The following ZNF582 variants were observed in gnomAD, a reference collection of about 807,000 sequenced individuals.
The protein encoded by ZNF582 is zinc finger protein 582.
Under a neutral mutation model 12.3 loss-of-function variants are expected in ZNF582, and 14 were observed. That is an observed-to-expected ratio of 1.14 (90% CI 0.75 to 1.78). The LOEUF (loss-of-function observed/expected upper bound fraction) is 1.78, where lower values mean the gene tolerates loss of function less well. Among genes scored for constraint, ZNF582 ranks in the 40% most tolerant of loss-of-function variants. The pLI, the probability that ZNF582 is intolerant of heterozygous loss-of-function variation, is 0.00. For missense variants in ZNF582, 567 were observed against 616.5 expected, an observed-to-expected ratio of 0.92 and a Z score of 0.85; for synonymous variants, 210 against 207.2, an observed-to-expected ratio of 1.01 and a Z score of -0.11.
intron 2 of ZNF582, 148 bp downstream of exon 2, chr19:56,391,596 G>C (rs1359420184): frequency 2.8e-6 from 2 of 702,064 alleles, no homozygotes; most frequent in African/African-American, 3.6e-5. Flanking sequence ...GCATTTGTCA[G>C]AGGGGAGAGG....
chr19:56,384,489 G>A, exon 5 of ZNF582: 1 of 1,609,696 alleles, frequency 6.2e-7, no homozygotes, highest in Non-Finnish European at 8.5e-7. Flanking sequence ...CATGCATAGG[G>A]TTTTTCACCA....
exon 5 of ZNF582, chr19:56,384,751 A>G: frequency 6.2e-7 from 1 of 1,603,130 alleles, no homozygotes; most frequent in Non-Finnish European, 8.5e-7. Context: ...GTTTCTTACC[A>G]GAATGAATAT....
At chr19:56,390,188 G>A (rs755725019) in intron 3 of ZNF582, 92 bp from the exon 4 acceptor site, 9 of 1,370,420 alleles carry the variant, frequency 6.6e-6, no homozygotes, top group Non-Finnish European at 9.2e-6. Flanking sequence ...AGAGGCAGTT[G>A]CAGGAAGTGC....
intron 2 of ZNF582, 47 bp from the exon 3 acceptor site, chr19:56,390,548 A>G: frequency 6.2e-7 from 1 of 1,605,192 alleles, no homozygotes; most frequent in Non-Finnish European, 8.5e-7. Context: ...AATGGTTCAC[A>G]GTGGGATGAA....
At chr19:56,383,260 A>G (rs767867801) in exon 5 of ZNF582, 1 of 152,250 alleles carries the variant, frequency 6.6e-6, no homozygotes, top group Non-Finnish European at 1.5e-5. Flanking sequence ...TGGATCAGAA[A>G]GAAACAAAAA....
chr19:56,388,149 G>T (rs961799704), intron 4 of ZNF582: 14 of 150,398 alleles, frequency 9.3e-5, no homozygotes, highest in East Asian at 4.1e-4. Context: ...AAAGGGGGGG[G>T]GGATTATGTC....
At chr19:56,384,083 T>G (rs1482627743) in exon 5 of ZNF582, 1 of 1,610,910 alleles carries the variant, frequency 6.2e-7, no homozygotes, top group East Asian at 2.2e-5. Flanking sequence ...TTTCTCAGTG[T>G]GAATAACCTG....
rs865863842 is a variant in ZNF582 at position 56,384,255 on chromosome 19, T to C, written c.1162A>G (p.Ile388Val). 10 of 1,614,120 alleles carry C rather than the reference T, an allele frequency of 6.2e-6. No individual in the cohort carries two copies. The African/African-American group carries it at 8.0e-5, about 13-fold the overall frequency. Residue 388 changes from isoleucine (I) to valine (V), a missense_variant, in exon 5 of 5, where the codon ATT becomes GTT. Physicochemically the swap from Ile to Val is conservative, Grantham distance 29. Coordinates refer to ENST00000586929, the Ensembl canonical transcript of ZNF582. ...TGGTAGGGTTTCTCTCCAGTGTGAA[T>C]TCTCTGATGTTGCTTGAGTTGTGAG...
Position 56,383,678 on chromosome 19 carries a change from T to C in ZNF582, c.*185A>G, listed in dbSNP as rs574902105. On this transcript the variant is annotated 3_prime_UTR_variant, in exon 5 of 5. Coordinates refer to ENST00000586929, the Ensembl canonical transcript of ZNF582. ...TCTGGAATGTGTTAGAAATAAAATT[T>C]CTCCCAACCTTTCCCAGCATTTTTG... is the stretch of plus-strand genomic sequence containing the variant. 6.3e-5 allele frequency: 37 copies of C among 583,910 alleles called. No homozygotes were observed. The South Asian group carries it at 1.7e-3, about 26-fold the overall frequency. The allele number at this position is 583,910 out of a possible 1,614,324, so 36.2% of individuals were successfully genotyped here.
At chr19:56,389,883 G>A (rs938179366) in intron 4 of ZNF582, 118 bp downstream of exon 4, 34 of 717,262 alleles carry the variant, frequency 4.7e-5, no homozygotes, top group Admixed American at 3.0e-4. Context: ...AAAACAACAC[G>A]TAAGACATAA....
intron 4 of ZNF582, chr19:56,388,376 A>G (rs1264153184): frequency 6.6e-6 from 1 of 152,266 alleles, no homozygotes. Flanking sequence ...GCTCTTCTTT[A>G]CAGGAGTATG....
chr19:56,392,529 C>T (rs958361047), intron 1 of ZNF582, among the ~76,000 whole-genome samples: 2 of 152,190 alleles, frequency 1.3e-5, no homozygotes, highest in East Asian at 3.9e-4. Flanking sequence ...AAAATTAGTA[C>T]GTAAGTAGGC....
At chr19:56,383,834 G>A (rs780687994) in exon 5 of ZNF582, 2 of 1,518,644 alleles carry the variant, frequency 1.3e-6, no homozygotes, top group Non-Finnish European at 1.8e-6. Context: ...TTCTCCAAGA[G>A]GGAGAAGTAA....
At chr19:56,386,956 A>C (rs921210819) in intron 4 of ZNF582, among the ~76,000 whole-genome samples, 4 of 152,240 alleles carry the variant, frequency 2.6e-5, no homozygotes, top group African/African-American at 9.6e-5. Context: ...TGTTGCCATG[A>C]AGTTCAAATG....
chr19:56,387,476 T>C (rs1281478418), intron 4 of ZNF582: 2 of 152,224 alleles, frequency 1.3e-5, no homozygotes, highest in African/African-American at 4.8e-5. Context: ...TCAAAAGTAT[T>C]ACAATCAGTT....
intron 3 of ZNF582, 95 bp from the exon 4 acceptor site, chr19:56,390,191 G>A: frequency 7.3e-7 from 1 of 1,376,624 alleles, no homozygotes; most frequent in Admixed American, 1.8e-5. Context: ...GGCAGTTGCA[G>A]GAAGTGCCAG....
intron 1 of ZNF582, among the ~76,000 whole-genome samples, chr19:56,392,194 C>G (rs752792333): frequency 1.3e-5 from 2 of 152,222 alleles, no homozygotes; most frequent in Non-Finnish European, 2.9e-5. Context: ...TTTGCATAGC[C>G]CCAGCCTAGA....
intron 1 of ZNF582, among the ~76,000 whole-genome samples, chr19:56,392,253 A>G (rs1320397173): frequency 6.6e-6 from 1 of 152,246 alleles, no homozygotes; most frequent in Non-Finnish European, 1.5e-5. Flanking sequence ...TGCAGCAAAT[A>G]TAACACCTTT....
At chr19:56,386,755 C>G (rs547176287) in intron 4 of ZNF582, 1 of 152,362 alleles carries the variant, frequency 6.6e-6, no homozygotes, top group South Asian at 2.1e-4. Flanking sequence ...GCCATATTGC[C>G]CAGGCTGGTC....
Sources: allele counts gnomAD v4.1 joint callset (sites outside exome capture counted in the v4.1 genomes callset), GRCh38; gene constraint gnomAD v4.1.1; transcripts MANE v1.5; gene names NCBI Gene and HGNC (gene_info 2026-07-23, HGNC 2026-07-21).